ADGRD1: variants seen among roughly 807,000 people sequenced by gnomAD.
ADGRD1 encodes G-protein coupled receptor 133.
ADGRD1 carries 77 observed loss-of-function variants against 113.4 expected under a neutral mutation model. The ratio of observed to expected loss-of-function variants is 0.68; its 90% CI spans 0.57 to 0.82. The LOEUF is 0.82. Ranked by LOEUF, ADGRD1 falls within the 40% of genes least tolerant of loss-of-function variation. ADGRD1 has a pLI of 0.00. For missense variants in ADGRD1, 1,036 were observed against 1,139.1 expected, an observed-to-expected ratio of 0.91 and a Z score of 1.30; for synonymous variants, 474 against 475.0, an observed-to-expected ratio of 1.00 and a Z score of 0.03.
chr12:131,013,424 A>G (rs1226979315), intron 12 of ADGRD1, among the ~76,000 whole-genome samples: 1 of 152,076 alleles, frequency 6.6e-6, no homozygotes, highest in Non-Finnish European at 1.5e-5. Context: ...GCCTCAGGGC[A>G]TGAGGAGAAG....
Position 130,987,345 on chromosome 12 carries a change from C to T in ADGRD1, c.741C>T (p.Ala247=). The T allele has an allele frequency of 6.2e-7, 1 of 1,614,056 alleles. No individual in the cohort carries two copies. Residue 247 remains alanine, a synonymous_variant, in exon 6 of 25, where the codon GCC becomes GCT. Transcript: ENST00000261654. ...AGATCGCCATGTACTTCACTGCTGC[C>T]ATTGGTCAGTGAGTGTGAAGGGCTG... The part of the protein sequence containing the change: ...PDEIAMYFTA[A]IGKHALLSST...
intron 13 of ADGRD1, among the ~76,000 whole-genome samples, chr12:131,067,037 A>G (rs10848274): frequency 0.87 from 132,748 of 152,064 alleles, 58,504 homozygotes; most frequent in East Asian, 1. Context: ...GGCTGCCGCC[A>G]GGCTCAGGAT....
rs1160886020 is a variant in ADGRD1, at chr12:131,139,171, A to C, written c.2533A>C (p.Asn845His). ...CTCATCCCTTTATGCTTTGCAGATG[A>C]ATGGGACCCGGCCAGGCATGGCCTC... ...NAKPFHSDLMNGTRPGMASTK... is the reference protein window; with the variant it reads ...NAKPFHSDLMHGTRPGMASTK... Residue 845 changes from asparagine (N) to histidine (H), a missense_variant, in exon 25 of 25, where the codon AAT becomes CAT. Physicochemically the swap from Asn to His is moderately conservative, Grantham distance 68. Transcript: ENST00000261654. 1 of 1,612,860 alleles carries C rather than the reference A, an allele frequency of 6.2e-7. No individual in the cohort carries two copies. Among genetic ancestry groups the C allele is most frequent in the Admixed American group, 1.7e-5 (1 of 60,004 alleles).
At chr12:131,129,661 TG>T (rs1950860173) in intron 20 of ADGRD1, among the ~76,000 whole-genome samples, 4 of 152,302 alleles carry the variant, frequency 2.6e-5, no homozygotes, top group African/African-American at 9.6e-5. Flanking sequence ...AGTCAGGACC[TG>T]GGGAAATCTC....
Position 130,965,335 on chromosome 12 carries a change from A to G in ADGRD1, c.104-1128A>G, listed in dbSNP as rs371549068. Reference sequence around the variant, plus strand: ...TCGTTTTCCACTTTGGTTATCAGGCATACATCATTTGAAAATAATGATCTT... The same window carrying G: ...TCGTTTTCCACTTTGGTTATCAGGCGTACATCATTTGAAAATAATGATCTT... On this transcript the variant is annotated intron_variant, in intron 2 of 24. Transcript: ENST00000261654. The surrounding 1 kb of genome is among the most constrained non-coding windows in gnomAD (Gnocchi z 4.8). 1.3e-5 allele frequency among the ~76,000 whole-genome samples: 2 copies of G among 152,308 alleles called. No homozygotes were observed.
intron 15 of ADGRD1, among the ~76,000 whole-genome samples, chr12:131,087,634 T>A (rs1031082977): frequency 1.3e-5 from 2 of 152,194 alleles, no homozygotes; most frequent in Non-Finnish European, 2.9e-5. Context: ...CAGGCAGCTG[T>A]GACCCGCCAG....
At position 131,131,772 on chromosome 12, in the gene ADGRD1, C is replaced by T; in HGVS notation, c.2223C>T (p.Ile741=). The part of the protein sequence containing the change: ...LIAVTRVISQ[I]SADNYKIHGD... ...CTGTGACCAGAGTCATCTCACAGAT[C>T]AGCGCCGACAACTACAAGATCCATG... Residue 741 remains isoleucine (I), a synonymous_variant, in exon 21 of 25, where the codon ATC becomes ATT. Coordinates refer to ENST00000261654, the MANE Select transcript of ADGRD1 (RefSeq NM_198827.5). 6.2e-7 allele frequency: 1 copy of T among 1,612,502 alleles called. No individual in the cohort carries two copies. The highest frequency in any genetic ancestry group is 1.1e-5 in the South Asian group (1 of 90,884).
intron 2 of ADGRD1, chr12:130,957,064 T>C (rs531443145): frequency 6.7e-6 from 1 of 149,460 alleles, no homozygotes. Flanking sequence ...TCCACATGCA[T>C]CCACACATGT....
intron 4 of ADGRD1, chr12:130,978,851 A>C (rs947132286): frequency 2.0e-5 from 3 of 152,262 alleles, no homozygotes; most frequent in Non-Finnish European, 4.4e-5. Context: ...AATTTGTTTC[A>C]TAACAAAAAT....
chr12:131,019,019 T>TGGCCCAGCCTGTGCC (rs1176916677), intron 13 of ADGRD1, among the ~76,000 whole-genome samples: 2 of 152,218 alleles, frequency 1.3e-5, no homozygotes, highest in African/African-American at 4.8e-5. Context: ...ACAGCCGTGG[T>TGGCCCAGCCTGTGCC]GGCCCAGCCT....
chr12:131,003,887 C>T lies in ADGRD1; in HGVS notation c.1145-299C>T, dbSNP rs1876724951. Among the ~76,000 whole-genome samples, 1 of 152,174 alleles carries T rather than the reference C, an allele frequency of 6.6e-6. No individual in the cohort carries two copies. Among genetic ancestry groups the T allele is most frequent in the Non-Finnish European group, 1.5e-5 (1 of 68,038 alleles). The stretch of plus-strand genomic sequence containing the variant: ...ATGTCACCGCATCGCTGAGCACAGC[C>T]CATCCTTGCACCGGCCTTGAGAGCT... On this transcript the variant is annotated intron_variant, in intron 10 of 24. Transcript: ENST00000261654. The surrounding 1 kb of genome is among the most constrained non-coding windows in gnomAD (Gnocchi z 4.8).
chr12:130,991,583 A>G (rs2136652182), intron 7 of ADGRD1, among the ~76,000 whole-genome samples: 1 of 152,292 alleles, frequency 6.6e-6, no homozygotes, highest in South Asian at 2.1e-4. Context: ...CTCTGCGCTT[A>G]GTGTCATCCA....
intron 20 of ADGRD1, among the ~76,000 whole-genome samples, chr12:131,129,881 G>A (rs1212613867): frequency 6.6e-6 from 1 of 152,238 alleles, no homozygotes; most frequent in Non-Finnish European, 1.5e-5. Context: ...CTGGAGGCAC[G>A]AAAGTGCTTC....
chr12:131,002,406 G>A (rs1031852163), intron 9 of ADGRD1: 2 of 515,428 alleles, frequency 3.9e-6, no homozygotes, highest in African/African-American at 4.2e-5. Flanking sequence ...TCTAAAATTG[G>A]CCTCAGCATT....
chr12:130,980,490 G>A (rs1193632594), intron 4 of ADGRD1, among the ~76,000 whole-genome samples: 2 of 150,058 alleles, frequency 1.3e-5, no homozygotes, highest in African/African-American at 2.5e-5. Flanking sequence ...CTCTGCCTCC[G>A]TGGTTCAAAC....
At chr12:131,115,362 C>T (rs887915727) in intron 18 of ADGRD1, among the ~76,000 whole-genome samples, 2 of 152,166 alleles carry the variant, frequency 1.3e-5, no homozygotes, top group African/African-American at 4.8e-5. Flanking sequence ...AGAACCAGCC[C>T]CGTGGCCTCA....
chr12:131,075,640 T>C lies in ADGRD1; in HGVS notation c.1474-1161T>C, dbSNP rs1278077321. ...CAGACAGATGCTGCGATGATAGCCC[T>C]GTGAGTCCTTTGGTTCTGCAGTGGG... On this transcript the variant is annotated intron_variant, in intron 13 of 24. Transcript: ENST00000261654. The surrounding 1 kb of genome is among the most constrained non-coding windows in gnomAD (Gnocchi z 5.3). Among the ~76,000 whole-genome samples the C allele has an allele frequency of 6.6e-6, 1 of 152,226 alleles. No individual in the cohort carries two copies. The highest frequency in any genetic ancestry group is 6.5e-5 in the Admixed American group (1 of 15,288).
intron 10 of ADGRD1, 83 bp from the exon 11 acceptor site, chr12:131,004,103 A>G: frequency 1.2e-6 from 1 of 818,028 alleles, no homozygotes; most frequent in African/African-American, 1.7e-5. Flanking sequence ...CAAAAAAGAA[A>G]AGCAGACGGG....
At chr12:131,136,455 AAGGC>A (rs969881100) in intron 22 of ADGRD1, among the ~76,000 whole-genome samples, 1 of 152,186 alleles carries the variant, frequency 6.6e-6, no homozygotes, top group Non-Finnish European at 1.5e-5. Flanking sequence ...TCTGGAAAGA[AAGGC>A]AGAGAGGTGG....
Sources: allele counts gnomAD v4.1 joint callset (sites outside exome capture counted in the v4.1 genomes callset), GRCh38; gene constraint gnomAD v4.1.1; non-coding constraint Gnocchi (gnomAD v3.1); transcripts MANE v1.5; gene names NCBI Gene and HGNC (gene_info 2026-07-23, HGNC 2026-07-21).